The following IFT43 variants were observed in gnomAD, a reference collection of about 807,000 sequenced individuals.
IFT43 encodes intraflagellar transport 43.
A neutral mutation model predicts 32.3 loss-of-function variants in IFT43; 33 were observed. That is an observed-to-expected ratio of 1.02 (90% CI 0.77 to 1.37). IFT43 has a LOEUF of 1.37. Among genes scored for constraint, IFT43 ranks in the 40% most tolerant of loss-of-function variants. The pLI, the probability that IFT43 is intolerant of heterozygous loss-of-function variation, is 0.00. For missense variants in IFT43, 274 were observed against 265.9 expected (o/e 1.03, Z -0.21); for synonymous variants, 93 against 98.2 (o/e 0.95, Z 0.31).
chr14:76,083,620 T>A lies in IFT43; in HGVS notation c.*43T>A. ...TAGACATGAAGAAATGCAATGAGCT[T>A]AAAGCTAAAGAAGCTTGTAAGCAGC... On this transcript the variant is annotated 3_prime_UTR_variant, in exon 9 of 9. Transcript: ENST00000314067. 1 of 1,602,288 alleles carries A rather than the reference T, an allele frequency of 6.2e-7. No individual in the cohort carries two copies. Among genetic ancestry groups the A allele is most frequent in the Non-Finnish European group, 8.5e-7 (1 of 1,171,702 alleles).
At chr14:76,046,248 A>G (rs2036805328) in intron 3 of IFT43, among the ~76,000 whole-genome samples, 1 of 152,152 alleles carries the variant, frequency 6.6e-6, no homozygotes. Flanking sequence ...GCGGTAAATT[A>G]ATTGTGTTGT....
intron 2 of IFT43, among the ~76,000 whole-genome samples, chr14:76,015,032 G>A (rs1367045075): frequency 6.6e-6 from 1 of 152,184 alleles, no homozygotes; most frequent in African/African-American, 2.4e-5. Flanking sequence ...TTTGGGACAG[G>A]GATGACATCT....
intron 5 of IFT43, among the ~76,000 whole-genome samples, chr14:76,079,982 A>G (rs2037480063): frequency 6.6e-6 from 1 of 152,186 alleles, no homozygotes; most frequent in African/African-American, 2.4e-5. Context: ...AAAATTCCCC[A>G]GAACATATTA....
chr14:76,079,750 G>T (rs558325441), intron 5 of IFT43, among the ~76,000 whole-genome samples: 3 of 152,262 alleles, frequency 2.0e-5, no homozygotes, highest in Admixed American at 2.0e-4. Context: ...TGTTAAAATC[G>T]TGTGCTTTGC....
intron 3 of IFT43, among the ~76,000 whole-genome samples, chr14:76,052,317 G>A (rs9323625): frequency 0.84 from 127,453 of 152,184 alleles, 53,497 homozygotes; most frequent in Non-Finnish European, 0.86. Context: ...TTTAACTGAG[G>A]TGATGTCTAC....
chr14:76,016,714 T>C (rs1045072737), intron 2 of IFT43, among the ~76,000 whole-genome samples: 3 of 152,194 alleles, frequency 2.0e-5, no homozygotes, highest in Admixed American at 6.5e-5. Context: ...GTTTATGTCT[T>C]CTTCAATTTC....
At chr14:76,052,140 C>T (rs1419891710) in intron 3 of IFT43, among the ~76,000 whole-genome samples, 1 of 152,052 alleles carries the variant, frequency 6.6e-6, no homozygotes, top group Non-Finnish European at 1.5e-5. Flanking sequence ...GGACGCTTCC[C>T]CCCATTTATC....
chr14:76,077,119 T>G (rs558343196), intron 5 of IFT43, among the ~76,000 whole-genome samples: 48 of 152,108 alleles, frequency 3.2e-4, no homozygotes, highest in Non-Finnish European at 5.9e-4. Context: ...TGACCCAGCC[T>G]CAGGTTGGAA....
chr14:75,999,379 C>T (rs557330438), intron 2 of IFT43, among the ~76,000 whole-genome samples: 2 of 147,018 alleles, frequency 1.4e-5, no homozygotes, highest in Admixed American at 6.7e-5. Flanking sequence ...CCTCCTACCT[C>T]GGGCTCCCAA....
chr14:76,070,159 C>G (rs1442478524), intron 5 of IFT43, among the ~76,000 whole-genome samples: 1 of 152,198 alleles, frequency 6.6e-6, no homozygotes, highest in African/African-American at 2.4e-5. Context: ...GGCAATGAGG[C>G]TGGAAGAGAT....
rs1415116757 is a variant in IFT43, at chr14:76,075,221, G to A, written c.296-7074G>A. On this transcript the variant is annotated intron_variant, in intron 5 of 8. Transcript: ENST00000314067. ...GCAGCATGGCTCCGTAGCCACTGTC[G>A]CAGTTTTCAGACTCTTTTTCTCCTA... Among the ~76,000 whole-genome samples, 6 of 152,290 alleles carry A rather than the reference G, an allele frequency of 3.9e-5. No homozygotes were observed. In the East Asian group the frequency reaches 9.7e-4, roughly 25 times the overall value.
chr14:76,028,184 A>G (rs1416494930), intron 3 of IFT43, among the ~76,000 whole-genome samples: 1 of 152,088 alleles, frequency 6.6e-6, no homozygotes, highest in Non-Finnish European at 1.5e-5. Context: ...TGACCACTAG[A>G]TCTCTCCATT....
chr14:76,004,787 C>G (rs968076325), intron 2 of IFT43, among the ~76,000 whole-genome samples: 1 of 152,058 alleles, frequency 6.6e-6, no homozygotes, highest in South Asian at 2.1e-4. Flanking sequence ...ATTGGTCTGT[C>G]TTTAAGTTCA....
intron 5 of IFT43, among the ~76,000 whole-genome samples, chr14:76,068,985 A>G (rs528077090): frequency 1.3e-5 from 2 of 152,192 alleles, no homozygotes; most frequent in African/African-American, 4.8e-5. Context: ...ACAAACTGCG[A>G]CTGAGTCCCC....
At chr14:76,075,134 C>T (rs1413831203) in intron 5 of IFT43, among the ~76,000 whole-genome samples, 1 of 152,224 alleles carries the variant, frequency 6.6e-6, no homozygotes, top group African/African-American at 2.4e-5. Context: ...TGACCATATG[C>T]CCCGCTGTGT....
At chr14:76,059,162 C>T (rs1384961225) in intron 4 of IFT43, 165 bp from the exon 5 acceptor site, 97 of 1,543,474 alleles carry the variant, frequency 6.3e-5, no homozygotes, top group Non-Finnish European at 7.2e-5. Flanking sequence ...CAACCACACA[C>T]GGCACACCCA....
At chr14:76,060,711 A>G (rs1344742504) in intron 5 of IFT43, among the ~76,000 whole-genome samples, 2 of 152,056 alleles carry the variant, frequency 1.3e-5, no homozygotes. Flanking sequence ...GTCATCTTCA[A>G]CTTTTTACCA....
At chr14:76,059,446 G>A in intron 5 of IFT43, 73 bp downstream of exon 5, 1 of 1,397,548 alleles carries the variant, frequency 7.2e-7, no homozygotes, top group Non-Finnish European at 1.0e-6. Flanking sequence ...TACAGCTAAG[G>A]CACTGTTGGC....
At chr14:76,030,786 C>T (rs2036496083) in intron 3 of IFT43, among the ~76,000 whole-genome samples, 1 of 151,960 alleles carries the variant, frequency 6.6e-6, no homozygotes, top group Non-Finnish European at 1.5e-5. Flanking sequence ...TTGTTTCTGT[C>T]TGTGTTCAAT....
Sources: gnomAD v4.1 joint callset for allele counts (sites outside exome capture counted in the v4.1 genomes callset) on GRCh38, gnomAD v4.1.1 for gene constraint, MANE v1.5 for transcripts, NCBI Gene and HGNC (gene_info 2026-07-23, HGNC 2026-07-21) for gene names.